The following GABBR1 variants were observed in gnomAD, a reference collection of about 807,000 sequenced individuals.
The protein encoded by GABBR1 is GABA-B receptor, R1 subunit.
In GABBR1, 35 loss-of-function variants were observed where a neutral mutation model predicts 117.7. The observed-to-expected ratio is 0.30, with a 90% CI of 0.23 to 0.39. GABBR1 has a LOEUF of 0.39. Among genes scored for constraint, GABBR1 ranks in the 10% least tolerant of loss-of-function variants. GABBR1 has a pLI of 1.00. For synonymous variants in GABBR1, 442 were observed against 486.6 expected, an observed-to-expected ratio of 0.91 and a Z score of 1.21; for missense variants, 709 against 1,241.8, an observed-to-expected ratio of 0.57 and a Z score of 6.45.
rs1761721466 is a variant in GABBR1, at chr6:29,604,323, C to T, written c.2712+171G>A. Among the ~76,000 whole-genome samples the T allele has an allele frequency of 6.6e-6, 1 of 152,114 alleles. No individual in the cohort carries two copies. The highest frequency in any genetic ancestry group is 1.9e-4 in the East Asian group (1 of 5,188). ...GAGATAGAATCTTGCTCAGCCCTTT[C>T]CCCTCCCCTATGCTGCTCCATTCAC... is the stretch of plus-strand genomic sequence containing the variant. On this transcript the variant is annotated intron_variant, in intron 22 of 22. Coordinates refer to ENST00000377034, the MANE Select transcript of GABBR1 (RefSeq NM_001470.4). The surrounding 1 kb of genome is among the most constrained non-coding windows in gnomAD (Gnocchi z 5.3).
intron 11 of GABBR1, among the ~76,000 whole-genome samples, chr6:29,618,746 T>G (rs115490176): frequency 0.032 from 4,886 of 152,298 alleles, 228 homozygotes; most frequent in African/African-American, 0.1. Context: ...CCCCTAAAGA[T>G]GTTTTCTCTA....
Position 29,603,423 on chromosome 6 carries a change from G to T in GABBR1, c.*120C>A. ...CACAGGGGGACATGTATTTACAAGAGATGAGATTGGATAGCATGTTCTTCC... is the reference window on the plus strand; with the variant it reads ...CACAGGGGGACATGTATTTACAAGATATGAGATTGGATAGCATGTTCTTCC... On this transcript the variant is annotated 3_prime_UTR_variant, in exon 23 of 23. Transcript: ENST00000377034. 3.5e-6 allele frequency: 3 copies of T among 847,780 alleles called. No individual in the cohort carries two copies. Among genetic ancestry groups the T allele is most frequent in the Non-Finnish European group, 5.9e-6 (3 of 504,886 alleles). The allele number at this position is 847,780 out of a possible 1,614,324, so 52.5% of individuals were successfully genotyped here.
rs967281085 is a variant in GABBR1, at chr6:29,613,005, T to C, written c.1566+238A>G. ...TAGTTCTCATCTGACTCATGAATAC[T>C]TGGTCTAGTTTGAAAAGAAATGAGG... On this transcript the variant is annotated intron_variant, in intron 12 of 22. Transcript: ENST00000377034. This position sits in a 1 kb window ranked among gnomAD's most constrained non-coding sequence, Gnocchi z 4.1. 2.0e-5 allele frequency among the ~76,000 whole-genome samples: 3 copies of C among 152,226 alleles called. No homozygotes were observed. The highest frequency in any genetic ancestry group is 7.2e-5 in the African/African-American group (3 of 41,468).
chr6:29,604,940 G>T lies in GABBR1; in HGVS notation c.2488C>A (p.Gln830Lys). The T allele has an allele frequency of 6.2e-7, 1 of 1,613,094 alleles. No individual in the cohort carries two copies. The highest frequency in any genetic ancestry group is 8.5e-7 in the Non-Finnish European group (1 of 1,179,974). ...GAGGCAAAGGCAAAGGCTGCATCCT[G>T]CTGGCTGGACAGAATCATGGTGACA... The part of the protein sequence containing the change: ...APVTMILSSQ[Q>K]DAAFAFASLA... The change falls in exon 21 of 23, where the codon CAG becomes AAG. Residue 830 changes from glutamine (Q) to lysine (K), a missense_variant. Coordinates refer to ENST00000377034, the MANE Select transcript of GABBR1 (RefSeq NM_001470.4). The surrounding 1 kb of genome is among the most constrained non-coding windows in gnomAD (Gnocchi z 5.3).
intron 22 of GABBR1, 82 bp from the exon 23 acceptor site, chr6:29,603,798 C>T: frequency 1.8e-6 from 2 of 1,104,968 alleles, no homozygotes; most frequent in Non-Finnish European, 2.4e-6. Context: ...AGGAAGGGCA[C>T]AGGGAAAGAG....
At position 29,623,629 on chromosome 6, in the gene GABBR1, C is replaced by A. The variant is rs1763980800; in HGVS notation, c.793-154G>T. On this transcript the variant is annotated intron_variant, in intron 7 of 22. Transcript: ENST00000377034. The surrounding 1 kb of genome is among the most constrained non-coding windows in gnomAD (Gnocchi z 6.2). ...CTGGTCTGCCTAAGGAAAAGAGATTCTCAAAGGCCCACACACCCCTCACAA... is the reference window on the plus strand; with the variant it reads ...CTGGTCTGCCTAAGGAAAAGAGATTATCAAAGGCCCACACACCCCTCACAA... Among the ~76,000 whole-genome samples, 1 of 152,132 alleles carries A rather than the reference C, an allele frequency of 6.6e-6. No homozygotes were observed. The highest frequency in any genetic ancestry group is 1.5e-5 in the Non-Finnish European group (1 of 68,044).
chr6:29,603,586 C>A lies in GABBR1; in HGVS notation c.2843G>T (p.Arg948Leu). Residue 948 changes from arginine (R) to leucine (L), a missense_variant, in exon 23 of 23, where the codon CGG becomes CTG. Coordinates refer to ENST00000377034, the MANE Select transcript of GABBR1 (RefSeq NM_001470.4). ...LPRGPPEPPD[R>L]LSCDGSRVHL... ...CACTCGACTCCCATCACAGCTAAGC[C>A]GGTCGGGGGGCTCAGGGGGTCCCCT... 1 of 1,591,732 alleles carries A rather than the reference C, an allele frequency of 6.3e-7. No homozygotes were observed. The highest frequency in any genetic ancestry group is 8.5e-7 in the Non-Finnish European group (1 of 1,169,790).
rs1235011999 is a variant in GABBR1, at chr6:29,603,249, G to T, written c.*294C>A. On this transcript the variant is annotated 3_prime_UTR_variant, in exon 23 of 23. Transcript: ENST00000377034. Reference sequence around the variant, plus strand: ...CATGGGAAGAGAAAGATGCAGTGAGGCTGCTGAGGAGGCAGCGTGTGAGCA... The same window carrying T: ...CATGGGAAGAGAAAGATGCAGTGAGTCTGCTGAGGAGGCAGCGTGTGAGCA... 3.3e-6 allele frequency: 2 copies of T among 602,974 alleles called. No individual in the cohort carries two copies. Among genetic ancestry groups the T allele is most frequent in the Non-Finnish European group, 6.2e-6 (2 of 320,646 alleles). 37.4% of individuals were successfully genotyped at this position (602,974 alleles called of 1,614,324 possible).
chr6:29,608,881 C>T, intron 15 of GABBR1, 148 bp from the exon 16 acceptor site: 2 of 902,244 alleles, frequency 2.2e-6, no homozygotes, highest in Non-Finnish European at 3.3e-6. Context: ...ACAGTGGAGC[C>T]TTGAGAGGCA....
chr6:29,612,174 T>G (rs1208018398), intron 13 of GABBR1, among the ~76,000 whole-genome samples: 1 of 151,456 alleles, frequency 6.6e-6, no homozygotes, highest in Non-Finnish European at 1.5e-5. Context: ...GCTAATTTTT[T>G]TTTTTTTTTT....
At position 29,602,506 on chromosome 6, in the gene GABBR1, AG is replaced by A; in HGVS notation, c.*1036del. On this transcript the variant is annotated 3_prime_UTR_variant, in exon 23 of 23. Transcript: ENST00000377034. ...ATGATTGTGAGTGTAGACTGAGGGT[AG>A]TACATGAATGCAATGGAGATGGGGG... 4.3e-5 allele frequency: 7 copies of A among 161,088 alleles called. No homozygotes were observed. The highest frequency in any genetic ancestry group is 2.3e-4 in the Admixed American group (4 of 17,360). 10.0% of individuals were successfully genotyped at this position (161,088 alleles called of 1,614,324 possible). A position where few individuals can be genotyped will look rare whatever the true frequency, so the allele number is the denominator to read the frequency against.
At position 29,623,663 on chromosome 6, in the gene GABBR1, C is replaced by A. The variant is rs1253639698; in HGVS notation, c.793-188G>T. ...CCACACACCCCTCACAACCGGGATG[C>A]TCTTTCACTGATCTAATTTCAATTC... is the stretch of plus-strand genomic sequence containing the variant. On this transcript the variant is annotated intron_variant, in intron 7 of 22. Coordinates refer to ENST00000377034, the MANE Select transcript of GABBR1 (RefSeq NM_001470.4). This position sits in a 1 kb window ranked among gnomAD's most constrained non-coding sequence, Gnocchi z 6.2. Among the ~76,000 whole-genome samples the A allele has an allele frequency of 3.9e-5, 6 of 152,162 alleles. No homozygotes were observed. Among genetic ancestry groups the A allele is most frequent in the Non-Finnish European group, 8.8e-5 (6 of 68,030 alleles).
chr6:29,603,160 C>G lies in GABBR1; in HGVS notation c.*383G>C, dbSNP rs1192164643. 4.2e-6 allele frequency: 2 copies of G among 477,950 alleles called. No homozygotes were observed. Among genetic ancestry groups the G allele is most frequent in the Non-Finnish European group, 4.2e-6 (1 of 240,628 alleles). The allele number at this position is 477,950 out of a possible 1,614,324, so 29.6% of individuals were successfully genotyped here. A position where few individuals can be genotyped will look rare whatever the true frequency, so the allele number is the denominator to read the frequency against. Reference sequence around the variant, plus strand: ...CACTTGTTGGGAGACCCCTGCTGGACAGGAACAGAGCACAAAGGCAGAGGA... The same window carrying G: ...CACTTGTTGGGAGACCCCTGCTGGAGAGGAACAGAGCACAAAGGCAGAGGA... On this transcript the variant is annotated 3_prime_UTR_variant, in exon 23 of 23. Coordinates refer to ENST00000377034, the MANE Select transcript of GABBR1 (RefSeq NM_001470.4).
intron 22 of GABBR1, 133 bp from the exon 23 acceptor site, chr6:29,603,849 A>G (rs1397501718): frequency 7.6e-6 from 4 of 529,740 alleles, no homozygotes; most frequent in Non-Finnish European, 1.2e-5. Flanking sequence ...ACGTAGGGTA[A>G]GTGGACAGAA....
Position 29,606,552 on chromosome 6 carries a change from G to T in GABBR1, c.2218-68C>A. On this transcript the variant is annotated intron_variant, in intron 18 of 22. Coordinates refer to ENST00000377034, the MANE Select transcript of GABBR1 (RefSeq NM_001470.4). This position sits in a 1 kb window ranked among gnomAD's most constrained non-coding sequence, Gnocchi z 4.5. The stretch of plus-strand genomic sequence containing the variant: ...CCCCTCCTCTCCTCAACGCTTCTCA[G>T]TCTCTGGCTTCCAACTGTTTTCCTA... 1 of 1,069,058 alleles carries T rather than the reference G, an allele frequency of 9.4e-7. No individual in the cohort carries two copies. Among genetic ancestry groups the T allele is most frequent in the Non-Finnish European group, 1.5e-6 (1 of 684,122 alleles). The allele number at this position is 1,069,058 out of a possible 1,614,324, so 66.2% of individuals were successfully genotyped here. A position where few individuals can be genotyped will look rare whatever the true frequency, so the allele number is the denominator to read the frequency against.
chr6:29,627,797 GGGGGGCA>G lies in GABBR1; in HGVS notation c.497-158_497-152del. ...AAAGGGGCCCCGGGCCCCATGGCGT[GGGGGGCA>G]GGGGTAGCTGTTGGGGAGCGTTAGG... On this transcript the variant is annotated intron_variant, in intron 5 of 22. Coordinates refer to ENST00000377034, the MANE Select transcript of GABBR1 (RefSeq NM_001470.4). The surrounding 1 kb of genome is among the most constrained non-coding windows in gnomAD (Gnocchi z 4.4). The G allele has an allele frequency of 7.0e-7, 1 of 1,435,628 alleles. No individual in the cohort carries two copies. Among genetic ancestry groups the G allele is most frequent in the African/African-American group, 1.4e-5 (1 of 69,352 alleles). 88.9% of individuals were successfully genotyped at this position (1,435,628 alleles called of 1,614,324 possible).
In GABBR1 at chr6:29,623,441, T is replaced by C. The variant is rs1453862405; in HGVS notation, c.827A>G (p.Asn276Ser). Residue 276 changes from asparagine to serine, a missense_variant, in exon 8 of 23, where the codon AAC becomes AGC. Coordinates refer to ENST00000377034, the MANE Select transcript of GABBR1 (RefSeq NM_001470.4). The surrounding 1 kb of genome is among the most constrained non-coding windows in gnomAD (Gnocchi z 6.2). ...SYGSSSPALS[N>S]RQRFPTFFRT... ...GAAGAAAGTGGGGAAACGCTGCCGG[T>C]TTGACAGGGCTGGTGAGCTGGAGCC... is the stretch of plus-strand genomic sequence containing the variant. 1.2e-6 allele frequency: 2 copies of C among 1,613,980 alleles called. No homozygotes were observed. The highest frequency in any genetic ancestry group is 1.7e-6 in the Non-Finnish European group (2 of 1,180,012).
Position 29,623,483 on chromosome 6 carries a change from G to A in GABBR1, c.793-8C>T. 1.2e-6 allele frequency: 2 copies of A among 1,612,718 alleles called. No homozygotes were observed. Among genetic ancestry groups the A allele is most frequent in the East Asian group, 2.2e-5 (1 of 44,876 alleles). ...GCTGGAGCCATAGGAAAGCTGTGGG[G>A]CAGGGAGAGTGAGTGCAACAGGGTC... On this transcript the variant is annotated splice_polypyrimidine_tract_variant and splice_region_variant and intron_variant, in intron 7 of 22. Transcript: ENST00000377034. The surrounding 1 kb of genome is among the most constrained non-coding windows in gnomAD (Gnocchi z 6.2).
chr6:29,604,839 G>T lies in GABBR1; in HGVS notation c.2568+21C>A. On this transcript the variant is annotated intron_variant, in intron 21 of 22. Transcript: ENST00000377034. This position sits in a 1 kb window ranked among gnomAD's most constrained non-coding sequence, Gnocchi z 5.3. Reference sequence around the variant, plus strand: ...AGGGAACATGGGAACAAAGAGGGTGGGAGAAAAGCCAGATCCTTACCTTGG... The same window carrying T: ...AGGGAACATGGGAACAAAGAGGGTGTGAGAAAAGCCAGATCCTTACCTTGG... 6.2e-7 allele frequency: 1 copy of T among 1,608,404 alleles called. No homozygotes were observed. Among genetic ancestry groups the T allele is most frequent in the South Asian group, 1.1e-5 (1 of 90,138 alleles).
Sources: allele counts gnomAD v4.1 joint callset (sites outside exome capture counted in the v4.1 genomes callset), GRCh38; gene constraint gnomAD v4.1.1; non-coding constraint Gnocchi (gnomAD v3.1); transcripts MANE v1.5; gene names NCBI Gene and HGNC (gene_info 2026-07-23, HGNC 2026-07-21).